DDAH1: variants seen among roughly 807,000 people sequenced by gnomAD.
DDAH1 encodes N(G),N(G)-dimethylarginine dimethylaminohydrolase 1.
In DDAH1, 19 loss-of-function variants were observed where a neutral mutation model predicts 28.8. The ratio of observed to expected loss-of-function variants is 0.66; its 90% CI spans 0.46 to 0.97. The LOEUF is 0.97. DDAH1 is among the 50% of genes least tolerant of loss of function. The probability of loss-of-function intolerance (pLI) is 0.00; values close to 1 mark genes in which losing one functional copy is unlikely to be tolerated. For missense variants in DDAH1, 326 were observed against 375.9 expected (o/e 0.87, Z 1.10); for synonymous variants, 153 against 154.4 (o/e 0.99, Z 0.07).
In DDAH1 at chr1:85,510,128, C is replaced by T. The variant is rs190942140; in HGVS notation, c.-122-13847G>A. ...GGTCAAGTTACCCACAAAGGGAAGC[C>T]CATCAGACTAACAGCAGATCACTCA... On this transcript the variant is annotated intron_variant, in intron 1 of 6. Coordinates refer to the DDAH1 transcript ENST00000426972. Among the ~76,000 whole-genome samples the T allele has an allele frequency of 1.6e-3, 242 of 152,260 alleles. 8 individuals carry two copies. The highest frequency in any genetic ancestry group is 0.016 in the Admixed American group (240 of 15,306).
chr1:85,454,860 G>A (rs1428822623), intron 1 of DDAH1, among the ~76,000 whole-genome samples: 3 of 152,154 alleles, frequency 2.0e-5, no homozygotes, highest in Admixed American at 6.6e-5. Flanking sequence ...TACATTTGGG[G>A]TGACTTGGGA....
At chr1:85,477,196 G>A (rs512298) in intron 2 of DDAH1, among the ~76,000 whole-genome samples, 45,287 of 152,024 alleles carry the variant, frequency 0.3, 8,019 homozygotes, top group South Asian at 0.42. Flanking sequence ...AATTTAGCAT[G>A]TTGGAGGAAG....
chr1:85,393,869 C>T (rs559113446), intron 1 of DDAH1, among the ~76,000 whole-genome samples: 8 of 152,172 alleles, frequency 5.3e-5, no homozygotes, highest in Non-Finnish European at 1.2e-4. Context: ...AACAGGTAAT[C>T]AGGAGATTGA....
intron 1 of DDAH1, among the ~76,000 whole-genome samples, chr1:85,549,848 A>C (rs765691204): frequency 6.6e-6 from 1 of 152,220 alleles, no homozygotes; most frequent in Non-Finnish European, 1.5e-5. Flanking sequence ...TGGAAGAGTG[A>C]TTAAGTAATC....
chr1:85,382,718 T>TA (rs1434846111), intron 1 of DDAH1, among the ~76,000 whole-genome samples: 1 of 152,236 alleles, frequency 6.6e-6, no homozygotes, highest in Non-Finnish European at 1.5e-5. Context: ...ACTCTCTTGT[T>TA]AGAGGTTAAT....
At chr1:85,572,211 C>T (rs1389862743) in intron 1 of DDAH1, among the ~76,000 whole-genome samples, 1 of 152,200 alleles carries the variant, frequency 6.6e-6, no homozygotes, top group South Asian at 2.1e-4. Context: ...AGGAGAGAAC[C>T]CTTTTTCATT....
chr1:85,338,836 T>C (rs192041909), intron 4 of DDAH1, among the ~76,000 whole-genome samples: 11 of 151,182 alleles, frequency 7.3e-5, no homozygotes, highest in Admixed American at 2.0e-4. Flanking sequence ...GGTCAGGAGT[T>C]CAAGAACAGC....
intron 4 of DDAH1, among the ~76,000 whole-genome samples, chr1:85,327,427 T>C (rs969202672): frequency 2.0e-5 from 3 of 152,188 alleles, no homozygotes; most frequent in Non-Finnish European, 4.4e-5. Flanking sequence ...TGTAATCTAG[T>C]AGTGTTGCAG....
intron 2 of DDAH1, among the ~76,000 whole-genome samples, chr1:85,479,374 C>T (rs1040210949): frequency 2.0e-4 from 31 of 151,312 alleles, no homozygotes; most frequent in African/African-American, 6.6e-4. Flanking sequence ...GGGGTTTCAC[C>T]GTGTTAGCCA....
intron 1 of DDAH1, among the ~76,000 whole-genome samples, chr1:85,436,482 T>G (rs1454181854): frequency 6.6e-6 from 1 of 152,180 alleles, no homozygotes; most frequent in South Asian, 2.1e-4. Flanking sequence ...ACGAATGTGT[T>G]AGAAGAGATG....
intron 1 of DDAH1, among the ~76,000 whole-genome samples, chr1:85,375,627 T>C (rs1342306875): frequency 2.0e-5 from 3 of 152,108 alleles, no homozygotes; most frequent in Non-Finnish European, 2.9e-5. Context: ...ACAGTTGCAT[T>C]CCTTTCCTTT....
At chr1:85,421,942 G>C (rs536254446) in intron 1 of DDAH1, among the ~76,000 whole-genome samples, 1 of 152,080 alleles carries the variant, frequency 6.6e-6, no homozygotes, top group Non-Finnish European at 1.5e-5. Flanking sequence ...AATGCATTTG[G>C]GTAAATACTT....
intron 1 of DDAH1, among the ~76,000 whole-genome samples, chr1:85,416,342 T>G (rs996926549): frequency 6.6e-6 from 1 of 151,970 alleles, no homozygotes; most frequent in Non-Finnish European, 1.5e-5. Context: ...ACTACAGGCA[T>G]CCACCATGAC....
At chr1:85,457,225 TC>T (rs552059953) in intron 1 of DDAH1, among the ~76,000 whole-genome samples, 1 of 152,188 alleles carries the variant, frequency 6.6e-6, no homozygotes, top group South Asian at 2.1e-4. Flanking sequence ...AAATTAATCT[TC>T]ACTGGACTAT....
rs143175865 is a variant in DDAH1, at chr1:85,364,920, C to T, written c.304-6073G>A. On this transcript the variant is annotated intron_variant, in intron 1 of 5. Transcript: ENST00000284031. The stretch of plus-strand genomic sequence containing the variant: ...ACAGACATTTTGTGTACTCAATGAT[C>T]CGGTCTTAAAAATTTCTAAATAAAA... Among the ~76,000 whole-genome samples, 330 of 152,090 alleles carry T rather than the reference C, an allele frequency of 2.2e-3. 2 individuals carry two copies. The highest frequency in any genetic ancestry group is 7.7e-3 in the African/African-American group (321 of 41,524).
chr1:85,379,798 T>C (rs1352211648), intron 1 of DDAH1: 2 of 752,796 alleles, frequency 2.7e-6, no homozygotes, highest in East Asian at 1.3e-4. Flanking sequence ...CTTGGAATCT[T>C]AGGTCATCTT....
chr1:85,418,696 T>C (rs1188386765), intron 1 of DDAH1, among the ~76,000 whole-genome samples: 2 of 152,240 alleles, frequency 1.3e-5, no homozygotes, highest in Admixed American at 1.3e-4. Flanking sequence ...GTTGGAAATG[T>C]CCTTTTCAGT....
At chr1:85,514,202 C>T (rs2100754099) in intron 1 of DDAH1, among the ~76,000 whole-genome samples, 1 of 152,156 alleles carries the variant, frequency 6.6e-6, no homozygotes, top group East Asian at 1.9e-4. Context: ...TACTATGCAG[C>T]CATAAAAAAG....
At chr1:85,347,169 G>A (rs1648903464) in intron 4 of DDAH1, among the ~76,000 whole-genome samples, 3 of 152,182 alleles carry the variant, frequency 2.0e-5, no homozygotes, top group African/African-American at 7.2e-5. Context: ...CTGTTGGTGG[G>A]ACTGTCAACT....
Sources: gnomAD v4.1 joint callset for allele counts (sites outside exome capture counted in the v4.1 genomes callset) on GRCh38, gnomAD v4.1.1 for gene constraint, MANE v1.5 for transcripts, NCBI Gene and HGNC (gene_info 2026-07-23, HGNC 2026-07-21) for gene names.